VPS13B: variants seen among roughly 807,000 people sequenced by gnomAD.
VPS13B encodes the protein vacuolar protein sorting 13 homolog B, also known as intermembrane lipid transfer protein VPS13B.
Under a neutral mutation model 426.4 loss-of-function variants are expected in VPS13B, and 285 were observed. The ratio of observed to expected loss-of-function variants is 0.67; its 90% CI spans 0.61 to 0.74. The LOEUF is 0.74. Among genes scored for constraint, VPS13B ranks in the 30% least tolerant of loss-of-function variants. The pLI is 0.00. For missense variants in VPS13B, 4,537 were observed against 4,782.6 expected (o/e 0.95, Z 1.51); for synonymous variants, 1,676 against 1,676.4 (o/e 1.00, Z 0.01).
At chr8:99,147,784 G>A (rs1176382911) in intron 13 of VPS13B, 57 bp from the exon 14 acceptor site, 3 of 1,185,480 alleles carry the variant, frequency 2.5e-6, no homozygotes, top group African/African-American at 3.2e-5. Context: ...TTTTTCAGTT[G>A]TTTAAGAATA....
At chr8:99,560,792 T>C (rs560287548) in intron 31 of VPS13B, among the ~76,000 whole-genome samples, 35 of 152,348 alleles carry the variant, frequency 2.3e-4, no homozygotes, top group Admixed American at 3.9e-4. Flanking sequence ...AGCATCCAGC[T>C]TCAAGCCTTC....
Position 99,102,882 on chromosome 8 carries a change from A to G in VPS13B, c.413-71A>G, listed in dbSNP as rs931643158. The G allele has an allele frequency of 3.1e-5, 43 of 1,396,226 alleles. No homozygotes were observed. The African/African-American group carries it at 4.3e-4, about 14-fold the overall frequency. 86.5% of individuals were successfully genotyped at this position (1,396,226 alleles called of 1,614,324 possible). Reference sequence around the variant, plus strand: ...CCACCTTTCTCATACATTAAGTTCAATAACACTTTAAGAAATAATTATTTA... The same window carrying G: ...CCACCTTTCTCATACATTAAGTTCAGTAACACTTTAAGAAATAATTATTTA... On this transcript the variant is annotated intron_variant, in intron 4 of 61. Coordinates refer to ENST00000357162, the MANE Select transcript of VPS13B (RefSeq NM_152564.5).
At chr8:99,297,283 T>A (rs1256233220) in intron 19 of VPS13B, among the ~76,000 whole-genome samples, 3 of 152,152 alleles carry the variant, frequency 2.0e-5, no homozygotes, top group Non-Finnish European at 2.9e-5. Context: ...GAGATGCGCA[T>A]AGGAGCTCTG....
intron 19 of VPS13B, among the ~76,000 whole-genome samples, chr8:99,312,664 G>C (rs923052686): frequency 6.6e-6 from 1 of 152,104 alleles, no homozygotes; most frequent in African/African-American, 2.4e-5. Context: ...TGCTCCTCTT[G>C]AGGAGTATCT....
At chr8:99,585,295 A>G (rs925574881) in intron 33 of VPS13B, among the ~76,000 whole-genome samples, 5 of 152,218 alleles carry the variant, frequency 3.3e-5, no homozygotes, top group Non-Finnish European at 7.3e-5. Flanking sequence ...AATGAATGGT[A>G]TGACATAGAA....
At chr8:99,024,615 A>G (rs1351883423) in intron 2 of VPS13B, among the ~76,000 whole-genome samples, 1 of 152,126 alleles carries the variant, frequency 6.6e-6, no homozygotes. Flanking sequence ...GGCCATAAAT[A>G]TGTGGGTTTG....
chr8:99,404,076 A>G (rs1815199179), intron 21 of VPS13B, among the ~76,000 whole-genome samples: 1 of 152,230 alleles, frequency 6.6e-6, no homozygotes, highest in Non-Finnish European at 1.5e-5. Flanking sequence ...AGCACAATGT[A>G]TTAATTTTTC....
At chr8:99,632,013 C>G (rs553982684) in intron 33 of VPS13B, among the ~76,000 whole-genome samples, 1 of 151,758 alleles carries the variant, frequency 6.6e-6, no homozygotes, top group Non-Finnish European at 1.5e-5. Flanking sequence ...TATTATTAAC[C>G]AAATAATATT....
intron 17 of VPS13B, among the ~76,000 whole-genome samples, chr8:99,262,769 C>CTGTTGTTGTTGT (rs373225716): frequency 0.015 from 2,197 of 150,014 alleles, 54 homozygotes; most frequent in African/African-American, 0.044. Flanking sequence ...TTTGGATGGT[C>CTGTTGTTGTTGT]TGTTGTTGTT....
At chr8:99,754,694 T>A (rs1810553770) in intron 39 of VPS13B, among the ~76,000 whole-genome samples, 1 of 152,218 alleles carries the variant, frequency 6.6e-6, no homozygotes, top group South Asian at 2.1e-4. Flanking sequence ...TCTACTAATT[T>A]TCTAGTACTT....
chr8:99,015,852 G>A (rs1013017348), intron 2 of VPS13B, among the ~76,000 whole-genome samples: 46 of 152,066 alleles, frequency 3.0e-4, no homozygotes, highest in Non-Finnish European at 2.4e-4. Flanking sequence ...GCAGTGAGCC[G>A]AGATCATGCC....
chr8:99,590,287 C>G (rs1409511939), intron 33 of VPS13B, among the ~76,000 whole-genome samples: 2 of 152,058 alleles, frequency 1.3e-5, no homozygotes, highest in African/African-American at 4.8e-5. Context: ...AAAAAACTAG[C>G]TTCTGGATTC....
intron 54 of VPS13B, among the ~76,000 whole-genome samples, chr8:99,837,155 A>G (rs1012654162): frequency 9.9e-5 from 15 of 152,180 alleles, no homozygotes; most frequent in Non-Finnish European, 2.2e-4. Context: ...AAGGAAAAAG[A>G]GAGGGGCCTG....
At chr8:99,816,078 G>GCC (rs34174840) in intron 44 of VPS13B, among the ~76,000 whole-genome samples, 2 of 150,920 alleles carry the variant, frequency 1.3e-5, no homozygotes, top group South Asian at 4.2e-4. Context: ...CCTCTACCAG[G>GCC]CCCCCCATTT....
chr8:99,700,053 A>G lies in VPS13B; in HGVS notation c.6454+121A>G, dbSNP rs572710779. ...AGTTAAAAGTTGTAAAGGCCATTAG[A>G]GATGAGGACATTTCTGGTTTGTGAC... On this transcript the variant is annotated intron_variant, in intron 36 of 61. Transcript: ENST00000357162. The G allele has an allele frequency of 4.9e-6, 6 of 1,219,894 alleles. 1 individual carries two copies. In the South Asian group the frequency reaches 6.3e-5, roughly 13 times the overall value. 75.6% of individuals were successfully genotyped at this position (1,219,894 alleles called of 1,614,324 possible). A position where few individuals can be genotyped will look rare whatever the true frequency, so the allele number is the denominator to read the frequency against.
At chr8:99,122,472 C>T (rs1387120908) in intron 8 of VPS13B, among the ~76,000 whole-genome samples, 1 of 151,974 alleles carries the variant, frequency 6.6e-6, no homozygotes, top group Non-Finnish European at 1.5e-5. Context: ...CCCAGTACCC[C>T]TGCACTTCAG....
At chr8:99,162,418 G>T (rs1371252208) in intron 15 of VPS13B, among the ~76,000 whole-genome samples, 1 of 152,206 alleles carries the variant, frequency 6.6e-6, no homozygotes, top group East Asian at 1.9e-4. Context: ...ATGAAATTGT[G>T]TCCGGAGTTG....
chr8:99,502,090 T>C (rs1018064055), intron 26 of VPS13B, among the ~76,000 whole-genome samples: 10 of 152,106 alleles, frequency 6.6e-5, no homozygotes, highest in African/African-American at 2.2e-4. Context: ...GTTCAAGTGA[T>C]TCTCCTGCCT....
intron 5 of VPS13B, among the ~76,000 whole-genome samples, chr8:99,105,931 A>T (rs1295452043): frequency 6.6e-6 from 1 of 152,208 alleles, no homozygotes; most frequent in Non-Finnish European, 1.5e-5. Context: ...ATGAAAGCTC[A>T]TGATGATGGT....
Sources: allele counts gnomAD v4.1 joint callset (sites outside exome capture counted in the v4.1 genomes callset), GRCh38; gene constraint gnomAD v4.1.1; transcripts MANE v1.5; gene names NCBI Gene and HGNC (gene_info 2026-07-23, HGNC 2026-07-21).